The following JARID2 variants were observed in gnomAD, a reference collection of about 807,000 sequenced individuals.
JARID2 encodes the protein protein Jumonji.
JARID2 carries 21 observed loss-of-function variants against 125.6 expected under a neutral mutation model. The ratio of observed to expected loss-of-function variants is 0.17; its 90% CI spans 0.12 to 0.24. The LOEUF (loss-of-function observed/expected upper bound fraction) is 0.24, where lower values mean the gene tolerates loss of function less well. JARID2 is among the 10% of genes least tolerant of loss of function. The probability of loss-of-function intolerance (pLI) is 1.00; values close to 1 mark genes in which losing one functional copy is unlikely to be tolerated. For synonymous variants in JARID2, 736 were observed against 661.6 expected, an observed-to-expected ratio of 1.11 and a Z score of -1.73; for missense variants, 1,303 against 1,639.6, an observed-to-expected ratio of 0.79 and a Z score of 3.55.
intron 1 of JARID2, among the ~76,000 whole-genome samples, chr6:15,267,411 T>C (rs1421974032): frequency 6.6e-6 from 1 of 152,136 alleles, no homozygotes; most frequent in Non-Finnish European, 1.5e-5. Flanking sequence ...CCTAACCAAC[T>C]GGTTATAAAC....
At chr6:15,306,865 A>G (rs996406296) in intron 1 of JARID2, among the ~76,000 whole-genome samples, 3 of 149,034 alleles carry the variant, frequency 2.0e-5, no homozygotes, top group Non-Finnish European at 4.5e-5. Flanking sequence ...TTGTACTTTG[A>G]AGTTAATATA....
intron 4 of JARID2, among the ~76,000 whole-genome samples, chr6:15,462,461 A>G (rs748686496): frequency 6.6e-6 from 1 of 152,256 alleles, no homozygotes; most frequent in Non-Finnish European, 1.5e-5. Flanking sequence ...TGATACATAC[A>G]TACGTAGATT....
At chr6:15,328,333 C>T in intron 1 of JARID2, among the ~76,000 whole-genome samples, 1 of 152,218 alleles carries the variant, frequency 6.6e-6, no homozygotes, top group East Asian at 1.9e-4. Flanking sequence ...GTACCAGGCA[C>T]TGGGCAGGAT....
chr6:15,418,361 G>A (rs1484345956), intron 3 of JARID2, among the ~76,000 whole-genome samples: 1 of 151,972 alleles, frequency 6.6e-6, no homozygotes, highest in Admixed American at 6.6e-5. Flanking sequence ...GGGACTACAG[G>A]TGCATGCCAC....
chr6:15,501,721 G>A (rs1478976191), intron 8 of JARID2, among the ~76,000 whole-genome samples: 1 of 152,148 alleles, frequency 6.6e-6, no homozygotes. Context: ...GTGAGGGAGG[G>A]GAAGTCCACT....
chr6:15,344,398 T>C (rs11968075), intron 1 of JARID2, among the ~76,000 whole-genome samples: 4,204 of 152,088 alleles, frequency 0.028, 201 homozygotes, highest in African/African-American at 0.095. Context: ...TCGGCTGATG[T>C]AATGAAAAAT....
chr6:15,504,741 C>G, intron 9 of JARID2, 149 bp downstream of exon 9: 1 of 606,716 alleles, frequency 1.6e-6, no homozygotes, highest in Non-Finnish European at 3.0e-6. Flanking sequence ...TGAGCGTGCA[C>G]CAGGGCAGCC....
Position 15,305,335 on chromosome 6 carries a change from A to C in JARID2, c.45+58751A>C, listed in dbSNP as rs554542995. Among the ~76,000 whole-genome samples the C allele has an allele frequency of 2.0e-5, 3 of 151,814 alleles. No homozygotes were observed. In the East Asian group the frequency reaches 5.9e-4, roughly 30 times the overall value. On this transcript the variant is annotated intron_variant, in intron 1 of 17. Transcript: ENST00000341776. ...AACTCCGCTGTGGGCCTACCCCAGG[A>C]GAAAAGGGTGCAGGGAGGGTGCTGG... is the stretch of plus-strand genomic sequence containing the variant.
intron 1 of JARID2, among the ~76,000 whole-genome samples, chr6:15,360,478 C>T (rs988577276): frequency 1.3e-5 from 2 of 152,024 alleles, no homozygotes; most frequent in Non-Finnish European, 2.9e-5. Context: ...CCACTGTGCC[C>T]GGCCTATTTA....
At chr6:15,255,987 A>G (rs1287320926) in intron 1 of JARID2, among the ~76,000 whole-genome samples, 1 of 152,206 alleles carries the variant, frequency 6.6e-6, no homozygotes, top group African/African-American at 2.4e-5. Flanking sequence ...GTGTGACTCC[A>G]GGCAGGCTAT....
intron 3 of JARID2, among the ~76,000 whole-genome samples, chr6:15,445,096 A>C (rs1043090959): frequency 6.6e-6 from 1 of 152,216 alleles, no homozygotes; most frequent in East Asian, 1.9e-4. Flanking sequence ...TTGAGTGCAC[A>C]GATAGCAATA....
chr6:15,285,062 AATTGC>A (rs1428099212), intron 1 of JARID2, among the ~76,000 whole-genome samples: 10 of 149,884 alleles, frequency 6.7e-5, no homozygotes, highest in Non-Finnish European at 1.5e-5. Flanking sequence ...ATTTCAGAAC[AATTGC>A]ATTGAATTGA....
chr6:15,353,047 C>T (rs868147520), intron 1 of JARID2, among the ~76,000 whole-genome samples: 2 of 152,104 alleles, frequency 1.3e-5, no homozygotes, highest in African/African-American at 2.4e-5. Context: ...GACTGTTTTT[C>T]ACTTTTGGGT....
intron 1 of JARID2, among the ~76,000 whole-genome samples, chr6:15,301,810 A>G (rs1327890800): frequency 1.3e-5 from 2 of 152,196 alleles, no homozygotes; most frequent in Admixed American, 6.5e-5. Context: ...ATGTTTTATT[A>G]TTAGCTTGAG....
chr6:15,408,040 G>T (rs1205351844), intron 2 of JARID2, among the ~76,000 whole-genome samples: 3 of 152,088 alleles, frequency 2.0e-5, no homozygotes, highest in Non-Finnish European at 2.9e-5. Context: ...GAGGTGACTG[G>T]ATCCCTTGAG....
chr6:15,300,720 TGTGAGAGAGA>T (rs1348054696), intron 1 of JARID2, among the ~76,000 whole-genome samples: 49 of 130,192 alleles, frequency 3.8e-4, no homozygotes, highest in African/African-American at 1.4e-3. Flanking sequence ...TGTGTGTGTG[TGTGAGAGAGA>T]GAGAGAGAGA....
At chr6:15,273,022 C>T (rs1244767158) in intron 1 of JARID2, among the ~76,000 whole-genome samples, 1 of 152,090 alleles carries the variant, frequency 6.6e-6, no homozygotes, top group Admixed American at 6.6e-5. Flanking sequence ...TATCAACCTA[C>T]AAAATAAAGC....
At position 15,484,855 on chromosome 6, in the gene JARID2, T is replaced by TA. The variant is rs149186446; in HGVS notation, c.671-2443dup. Among the ~76,000 whole-genome samples, 106 of 151,324 alleles carry TA rather than the reference T, an allele frequency of 7.0e-4. 1 individual carries two copies. Among genetic ancestry groups the TA allele is most frequent in the South Asian group, 1.3e-3 (6 of 4,774 alleles). On this transcript the variant is annotated intron_variant, in intron 5 of 17. Transcript: ENST00000341776. ...AGAAGTTTGGAGGAGTATTGGAGAT[T>TA]AAAAAAAAAGCAACTACTTCCTATG...
intron 1 of JARID2, among the ~76,000 whole-genome samples, chr6:15,356,212 T>G (rs557437924): frequency 7.0e-4 from 106 of 152,358 alleles, no homozygotes; most frequent in African/African-American, 2.5e-3. Flanking sequence ...CATCATTTGA[T>G]GGACAGTTGG....
Sources: gnomAD v4.1 joint callset for allele counts (sites outside exome capture counted in the v4.1 genomes callset) on GRCh38, gnomAD v4.1.1 for gene constraint, MANE v1.5 for transcripts, NCBI Gene and HGNC (gene_info 2026-07-23, HGNC 2026-07-21) for gene names.